GUCY1A2: variants seen among roughly 807,000 people sequenced by gnomAD.
GUCY1A2 encodes guanylate cyclase soluble subunit alpha-2.
A neutral mutation model predicts 63.5 loss-of-function variants in GUCY1A2; 27 were observed. The ratio of observed to expected loss-of-function variants is 0.43; its 90% CI spans 0.31 to 0.59. The LOEUF is 0.59. GUCY1A2 is among the 20% of genes least tolerant of loss of function. The pLI is 0.11. For synonymous variants in GUCY1A2, 364 were observed against 343.5 expected (o/e 1.06, Z -0.66); for missense variants, 768 against 913.3 (o/e 0.84, Z 2.05).
intron 6 of GUCY1A2, among the ~76,000 whole-genome samples, chr11:106,754,168 G>A (rs185812460): frequency 9.6e-4 from 146 of 152,210 alleles, no homozygotes; most frequent in African/African-American, 3.3e-3. Flanking sequence ...TCTATTATTG[G>A]TGTATAGGAA....
At chr11:106,823,519 A>G (rs1241439333) in intron 4 of GUCY1A2, among the ~76,000 whole-genome samples, 1 of 152,272 alleles carries the variant, frequency 6.6e-6, no homozygotes, top group African/African-American at 2.4e-5. Context: ...GGTTGGTTCC[A>G]TGACTTTCCT....
chr11:106,777,097 T>C (rs1832002575), intron 5 of GUCY1A2, among the ~76,000 whole-genome samples: 1 of 152,142 alleles, frequency 6.6e-6, no homozygotes, highest in African/African-American at 2.4e-5. Context: ...CCCCATACCA[T>C]TGCGTCAACC....
At chr11:106,763,743 A>G (rs558041434) in intron 6 of GUCY1A2, among the ~76,000 whole-genome samples, 1 of 152,242 alleles carries the variant, frequency 6.6e-6, no homozygotes, top group Admixed American at 6.5e-5. Context: ...TCAGTCTGCA[A>G]CTCAATTATG....
At chr11:106,844,513 G>C (rs1320797399) in intron 4 of GUCY1A2, among the ~76,000 whole-genome samples, 1 of 151,556 alleles carries the variant, frequency 6.6e-6, no homozygotes, top group African/African-American at 2.4e-5. Flanking sequence ...ACAAAGTTGG[G>C]TTTATTATTT....
intron 4 of GUCY1A2, among the ~76,000 whole-genome samples, chr11:106,882,977 G>A (rs1405041392): frequency 2.0e-5 from 3 of 151,924 alleles, no homozygotes; most frequent in Admixed American, 1.3e-4. Flanking sequence ...AATTTTGAGG[G>A]TCATTTAGTT....
intron 4 of GUCY1A2, among the ~76,000 whole-genome samples, chr11:106,849,398 G>A (rs1247559160): frequency 6.7e-6 from 1 of 150,348 alleles, no homozygotes; most frequent in Non-Finnish European, 1.5e-5. Flanking sequence ...ATACAAGCCT[G>A]CATATGGTAA....
At chr11:106,986,449 G>T (rs1360257409) in intron 1 of GUCY1A2, among the ~76,000 whole-genome samples, 1 of 152,160 alleles carries the variant, frequency 6.6e-6, no homozygotes, top group Non-Finnish European at 1.5e-5. Context: ...CCTGGGGATA[G>T]CAGGGAGGGT....
chr11:106,705,863 A>AAAAG (rs1862900871), intron 7 of GUCY1A2, among the ~76,000 whole-genome samples: 1 of 152,144 alleles, frequency 6.6e-6, no homozygotes, highest in African/African-American at 2.4e-5. Context: ...CGTCTCAAAA[A>AAAAG]AAAGAAGGAA....
At chr11:106,973,923 C>T (rs796208741) in intron 3 of GUCY1A2, among the ~76,000 whole-genome samples, 1 of 151,996 alleles carries the variant, frequency 6.6e-6, no homozygotes, top group Admixed American at 6.6e-5. Flanking sequence ...CTCATTTAAT[C>T]GTCTTGGCAA....
chr11:106,849,738 A>T (rs896514096), intron 4 of GUCY1A2, among the ~76,000 whole-genome samples: 4 of 151,678 alleles, frequency 2.6e-5, no homozygotes, highest in African/African-American at 9.7e-5. Context: ...CACCAAACCT[A>T]CCTGAAAATT....
chr11:106,936,019 G>T (rs1860672065), intron 4 of GUCY1A2, among the ~76,000 whole-genome samples: 1 of 152,068 alleles, frequency 6.6e-6, no homozygotes, highest in Admixed American at 6.6e-5. Context: ...GATTTACTAA[G>T]ATCATGGCTG....
intron 4 of GUCY1A2, among the ~76,000 whole-genome samples, chr11:106,927,297 C>CG (rs1441795864): frequency 2.0e-5 from 3 of 151,184 alleles, no homozygotes; most frequent in African/African-American, 7.3e-5. Context: ...GGCACGAACC[C>CG]GGGGGGCGGA....
chr11:106,941,208 T>C (rs1178339321), intron 3 of GUCY1A2, among the ~76,000 whole-genome samples: 1 of 152,210 alleles, frequency 6.6e-6, no homozygotes, highest in Non-Finnish European at 1.5e-5. Context: ...TGTTAAGTTT[T>C]CTCCATATAT....
chr11:106,888,471 G>T (rs1372808352), intron 4 of GUCY1A2, among the ~76,000 whole-genome samples: 2 of 150,686 alleles, frequency 1.3e-5, no homozygotes, highest in South Asian at 4.2e-4. Context: ...TCTCAAAAAA[G>T]AAAGAAAAAA....
At chr11:106,850,842 C>T (rs1051705658) in intron 4 of GUCY1A2, among the ~76,000 whole-genome samples, 1 of 151,812 alleles carries the variant, frequency 6.6e-6, no homozygotes, top group African/African-American at 2.4e-5. Context: ...ACTTCGCTGG[C>T]TTTGGATAAA....
intron 4 of GUCY1A2, among the ~76,000 whole-genome samples, chr11:106,893,756 A>C (rs888888438): frequency 1.1e-4 from 16 of 152,198 alleles, no homozygotes; most frequent in African/African-American, 3.9e-4. Flanking sequence ...GCCCACAAGC[A>C]AAAACGTCCT....
At chr11:106,728,161 T>A (rs1427681480) in intron 6 of GUCY1A2, among the ~76,000 whole-genome samples, 1 of 152,214 alleles carries the variant, frequency 6.6e-6, no homozygotes, top group Non-Finnish European at 1.5e-5. Flanking sequence ...TTCTGGGATT[T>A]TATACATGCT....
chr11:106,944,107 C>T (rs1303873238), intron 3 of GUCY1A2, among the ~76,000 whole-genome samples: 5 of 148,970 alleles, frequency 3.4e-5, no homozygotes, highest in Non-Finnish European at 4.5e-5. Context: ...CCCAGCTACT[C>T]GGGAGGCTGA....
chr11:106,937,020 T>C (rs1860688133), intron 4 of GUCY1A2, among the ~76,000 whole-genome samples: 1 of 152,140 alleles, frequency 6.6e-6, no homozygotes, highest in Non-Finnish European at 1.5e-5. Flanking sequence ...AAATGTGAAA[T>C]TTGATGACTT....
Sources: allele counts gnomAD v4.1 joint callset (sites outside exome capture counted in the v4.1 genomes callset), GRCh38; gene constraint gnomAD v4.1.1; transcripts MANE v1.5; gene names NCBI Gene and HGNC (gene_info 2026-07-23, HGNC 2026-07-21).